The following PDE4B variants were observed in gnomAD, a reference collection of about 807,000 sequenced individuals.
PDE4B encodes the protein 3',5'-cyclic-AMP phosphodiesterase 4B.
A neutral mutation model predicts 82.2 loss-of-function variants in PDE4B; 20 were observed. The observed-to-expected ratio is 0.24, with a 90% confidence interval of 0.17 to 0.35. The LOEUF (loss-of-function observed/expected upper bound fraction) is 0.35, where lower values mean the gene tolerates loss of function less well. Ranked by LOEUF, PDE4B falls within the 10% of genes least tolerant of loss-of-function variation. PDE4B has a pLI of 1.00. For synonymous variants in PDE4B, 320 were observed against 318.9 expected (o/e 1.00, Z -0.04); for missense variants, 655 against 907.2 (o/e 0.72, Z 3.57).
At chr1:66,167,288 AAGT>A (rs1646754111) in intron 3 of PDE4B, among the ~76,000 whole-genome samples, 1 of 152,254 alleles carries the variant, frequency 6.6e-6, no homozygotes, top group Non-Finnish European at 1.5e-5. Context: ...AATAGCTAAA[AAGT>A]AGAAACAACT....
At chr1:65,961,097 T>A (rs1042374518) in intron 3 of PDE4B, among the ~76,000 whole-genome samples, 2 of 152,026 alleles carry the variant, frequency 1.3e-5, no homozygotes, top group Non-Finnish European at 1.5e-5. Context: ...TTTGTAGAGG[T>A]GACATATGTG....
chr1:66,037,321 G>A (rs1451235397), intron 3 of PDE4B, among the ~76,000 whole-genome samples: 1 of 151,710 alleles, frequency 6.6e-6, no homozygotes, highest in Non-Finnish European at 1.5e-5. Flanking sequence ...TCAGTGTAGA[G>A]ATCTTTCACT....
At chr1:66,355,650 T>G in intron 9 of PDE4B, 30 bp downstream of exon 9, 1 of 1,321,562 alleles carries the variant, frequency 7.6e-7, no homozygotes, top group Non-Finnish European at 1.1e-6. Flanking sequence ...AAACCTGTTT[T>G]ATAACTGGGG....
intron 1 of PDE4B, among the ~76,000 whole-genome samples, chr1:65,862,149 A>C (rs1252193013): frequency 1.3e-5 from 2 of 152,144 alleles, no homozygotes; most frequent in Admixed American, 1.3e-4. Context: ...GAATGCTTCC[A>C]TCTTTTGCCC....
At chr1:65,898,473 A>G (rs1477994144) in intron 1 of PDE4B, among the ~76,000 whole-genome samples, 3 of 151,856 alleles carry the variant, frequency 2.0e-5, no homozygotes, top group African/African-American at 7.3e-5. Context: ...AATCCTAAAA[A>G]TCATATGGAA....
intron 13 of PDE4B, 88 bp from the exon 14 acceptor site, chr1:66,367,608 G>T (rs565138907): frequency 1.7e-4 from 185 of 1,076,758 alleles, no homozygotes; most frequent in Admixed American, 3.6e-4. Context: ...AATTTGGAGA[G>T]AACTAGGTCT....
At chr1:66,313,561 A>AT (rs1233834075) in intron 7 of PDE4B, among the ~76,000 whole-genome samples, 2 of 152,124 alleles carry the variant, frequency 1.3e-5, no homozygotes, top group African/African-American at 4.8e-5. Flanking sequence ...AATCCTTTCC[A>AT]TCCCAGAAGA....
intron 3 of PDE4B, among the ~76,000 whole-genome samples, chr1:66,222,677 C>T (rs1651091730): frequency 6.6e-6 from 1 of 152,230 alleles, no homozygotes; most frequent in South Asian, 2.1e-4. Flanking sequence ...TTCGTTTCCT[C>T]ATTGTTCAAT....
intron 3 of PDE4B, among the ~76,000 whole-genome samples, chr1:66,154,452 G>C (rs1336837345): frequency 2.0e-5 from 3 of 152,198 alleles, no homozygotes; most frequent in Admixed American, 2.0e-4. Flanking sequence ...GAGAAGAGAA[G>C]AGAGATAGGA....
chr1:65,935,809 T>C (rs1367846164), intron 3 of PDE4B, among the ~76,000 whole-genome samples: 1 of 152,044 alleles, frequency 6.6e-6, no homozygotes, highest in Non-Finnish European at 1.5e-5. Flanking sequence ...TGGTGGCATA[T>C]GCCTGTAATC....
chr1:66,013,237 G>C (rs1170790877), intron 3 of PDE4B, among the ~76,000 whole-genome samples: 1 of 152,052 alleles, frequency 6.6e-6, no homozygotes, highest in African/African-American at 2.4e-5. Context: ...TTAAGAGTGA[G>C]TGAAATGATA....
intron 3 of PDE4B, among the ~76,000 whole-genome samples, chr1:66,202,982 A>G (rs1382269125): frequency 6.6e-6 from 1 of 152,032 alleles, no homozygotes; most frequent in African/African-American, 2.4e-5. Context: ...GCAGTGGCTG[A>G]TACCGGTTGT....
intron 4 of PDE4B, among the ~76,000 whole-genome samples, chr1:66,250,820 G>A (rs1653711917): frequency 6.6e-6 from 1 of 152,164 alleles, no homozygotes; most frequent in Admixed American, 6.5e-5. Context: ...TTATCCACCT[G>A]CAAAGCCACA....
intron 3 of PDE4B, among the ~76,000 whole-genome samples, chr1:65,945,515 G>A (rs1648663511): frequency 6.6e-6 from 1 of 151,960 alleles, no homozygotes; most frequent in East Asian, 1.9e-4. Context: ...GGTCCTTATG[G>A]AATCAACTTG....
intron 1 of PDE4B, among the ~76,000 whole-genome samples, chr1:65,828,371 G>C: frequency 6.6e-6 from 1 of 151,890 alleles, no homozygotes; most frequent in East Asian, 1.9e-4. Context: ...TCAGTCTCTC[G>C]AGTAGCTGGG....
chr1:66,350,468 A>G (rs190735788), intron 8 of PDE4B, among the ~76,000 whole-genome samples: 82 of 152,152 alleles, frequency 5.4e-4, no homozygotes, highest in Non-Finnish European at 1.0e-3. Context: ...CTAGTCTTTG[A>G]TAGGGTGAAG....
At chr1:65,963,331 G>A (rs1479681991) in intron 3 of PDE4B, among the ~76,000 whole-genome samples, 1 of 152,180 alleles carries the variant, frequency 6.6e-6, no homozygotes, top group Non-Finnish European at 1.5e-5. Context: ...TCCTTGAAGA[G>A]AGAGACTATT....
intron 3 of PDE4B, among the ~76,000 whole-genome samples, chr1:66,019,597 G>A (rs539076361): frequency 7.9e-5 from 12 of 151,876 alleles, no homozygotes; most frequent in East Asian, 1.9e-4. Context: ...CTTGTGATCC[G>A]CCCCCTTGAC....
At chr1:65,891,100 G>A (rs1646848249) in intron 1 of PDE4B, among the ~76,000 whole-genome samples, 1 of 152,144 alleles carries the variant, frequency 6.6e-6, no homozygotes, top group Non-Finnish European at 1.5e-5. Context: ...TCCAGTGTGT[G>A]ATTAGATGTA....
Sources: allele counts gnomAD v4.1 joint callset (sites outside exome capture counted in the v4.1 genomes callset), GRCh38; gene constraint gnomAD v4.1.1; transcripts MANE v1.5; gene names NCBI Gene and HGNC (gene_info 2026-07-23, HGNC 2026-07-21).